Variants in DCUN1D4 observed in about 807,000 individuals in gnomAD.
DCUN1D4 encodes defective in cullin neddylation 1 domain containing 4.
DCUN1D4 carries 22 observed loss-of-function variants against 47.9 expected under a neutral mutation model. The observed-to-expected ratio is 0.46, with a 90% CI of 0.33 to 0.66. The LOEUF is 0.66. DCUN1D4 is among the 30% of genes least tolerant of loss of function. DCUN1D4 has a pLI of 0.02. For synonymous variants in DCUN1D4, 121 were observed against 112.2 expected (o/e 1.08, Z -0.50); for missense variants, 301 against 340.8 (o/e 0.88, Z 0.92).
Position 51,890,254 on chromosome 4 carries a change from T to G in DCUN1D4, c.415-1506T>G, listed in dbSNP as rs71595666. ...GGCTCAGAAATCATTAAAAATGATTTCTTGCCTCATGTTTCATGTTTTTAT... is the reference window on the plus strand; with the variant it reads ...GGCTCAGAAATCATTAAAAATGATTGCTTGCCTCATGTTTCATGTTTTTAT... On this transcript the variant is annotated intron_variant, in intron 6 of 10. Transcript: ENST00000334635. Among the ~76,000 whole-genome samples, 1,098 of 152,288 alleles carry G rather than the reference T, an allele frequency of 7.2e-3. 6 individuals are homozygous for G. Among genetic ancestry groups the G allele is most frequent in the Non-Finnish European group, 0.011 (743 of 68,028 alleles).
intron 9 of DCUN1D4, among the ~76,000 whole-genome samples, chr4:51,913,083 C>A (rs1342901475): frequency 6.6e-6 from 1 of 152,004 alleles, no homozygotes; most frequent in Non-Finnish European, 1.5e-5. Context: ...TGTATTGAGA[C>A]CCTGTCATAT....
At chr4:51,842,920 G>C, upstream of DCUN1D4, 2 of 580,198 alleles carry the variant, frequency 3.4e-6, no homozygotes. Context: ...GACAGCAGCC[G>C]GGCCCAACCC....
intron 8 of DCUN1D4, among the ~76,000 whole-genome samples, chr4:51,899,673 T>C (rs1731805902): frequency 6.6e-6 from 1 of 152,190 alleles, no homozygotes; most frequent in African/African-American, 2.4e-5. Flanking sequence ...TTAGATAAGG[T>C]TGGAAAAGCT....
chr4:51,913,641 C>A lies in DCUN1D4; in HGVS notation c.*57C>A. ...TTACCACAGTTTTGTCACCCATTAG[C>A]CATAAATTGCTGTTTGTATCAAAGC... On this transcript the variant is annotated 3_prime_UTR_variant, in exon 11 of 11. Transcript: ENST00000334635. 1 of 1,493,460 alleles carries A rather than the reference C, an allele frequency of 6.7e-7. No homozygotes were observed. The highest frequency in any genetic ancestry group is 9.3e-7 in the Non-Finnish European group (1 of 1,075,040). 92.5% of individuals were successfully genotyped at this position (1,493,460 alleles called of 1,614,324 possible).
chr4:51,846,640 G>A (rs1188177209), intron 1 of DCUN1D4, among the ~76,000 whole-genome samples: 1 of 152,152 alleles, frequency 6.6e-6, no homozygotes, highest in Admixed American at 6.5e-5. Flanking sequence ...CAACCTGTGA[G>A]AAACTGACCT....
rs1734047376 is a variant in DCUN1D4, at chr4:51,913,841, A to AT, written c.*259dup. On this transcript the variant is annotated 3_prime_UTR_variant, in exon 11 of 11. Transcript: ENST00000334635. Reference sequence around the variant, plus strand: ...ACGTCCTCACTGTGATTATGTGTATATTGCTGTTTAAATTTTGTATATGTG... The same window carrying AT: ...ACGTCCTCACTGTGATTATGTGTATATTTGCTGTTTAAATTTTGTATATGTG... 2.6e-6 allele frequency: 1 copy of AT among 387,724 alleles called. No individual in the cohort carries two copies. The highest frequency in any genetic ancestry group is 3.8e-5 in the East Asian group (1 of 26,188). 24.0% of individuals were successfully genotyped at this position (387,724 alleles called of 1,614,324 possible).
chr4:51,913,838 T>C lies in DCUN1D4; in HGVS notation c.*254T>C. ...CCAACGTCCTCACTGTGATTATGTGTATATTGCTGTTTAAATTTTGTATAT... is the reference window on the plus strand; with the variant it reads ...CCAACGTCCTCACTGTGATTATGTGCATATTGCTGTTTAAATTTTGTATAT... On this transcript the variant is annotated 3_prime_UTR_variant, in exon 11 of 11. Coordinates refer to ENST00000334635, the MANE Select transcript of DCUN1D4 (RefSeq NM_001040402.3). 1 of 388,386 alleles carries C rather than the reference T, an allele frequency of 2.6e-6. No individual in the cohort carries two copies. The highest frequency in any genetic ancestry group is 3.8e-5 in the East Asian group (1 of 26,452). The allele number at this position is 388,386 out of a possible 1,614,324, so 24.1% of individuals were successfully genotyped here.
upstream of DCUN1D4, among the ~76,000 whole-genome samples, chr4:51,839,943 T>C (rs945896200): frequency 3.9e-5 from 6 of 152,226 alleles, no homozygotes; most frequent in Non-Finnish European, 5.9e-5. Context: ...TATCACATTC[T>C]AATCTAGGCT....
At chr4:51,903,932 C>T (rs1027292443) in intron 8 of DCUN1D4, among the ~76,000 whole-genome samples, 1 of 151,880 alleles carries the variant, frequency 6.6e-6, no homozygotes, top group Non-Finnish European at 1.5e-5. Flanking sequence ...TTTTTATAAC[C>T]TTGTCTTCTG....
At chr4:51,877,954 GGTGTGT>G in intron 5 of DCUN1D4, 100 bp downstream of exon 5, 2 of 731,016 alleles carry the variant, frequency 2.7e-6, no homozygotes, top group Non-Finnish European at 4.2e-6. Context: ...TTCAAATTTG[GGTGTGT>G]GTGTGTGTGT....
chr4:51,891,880 C>G (rs757207180), intron 7 of DCUN1D4, 29 bp downstream of exon 7: 50 of 1,533,194 alleles, frequency 3.3e-5, no homozygotes, highest in African/African-American at 4.2e-5. Context: ...TAGTGGGGGT[C>G]CCTGCCCTTC....
chr4:51,912,721 A>G (rs1478458560), intron 9 of DCUN1D4, among the ~76,000 whole-genome samples: 1 of 152,180 alleles, frequency 6.6e-6, no homozygotes, highest in Non-Finnish European at 1.5e-5. Flanking sequence ...GAATTATTAG[A>G]ACAGTAATTT....
At chr4:51,902,268 A>G (rs80189733) in intron 8 of DCUN1D4, among the ~76,000 whole-genome samples, 256 of 152,308 alleles carry the variant, frequency 1.7e-3, no homozygotes, top group African/African-American at 6.1e-3. Flanking sequence ...AGTGTTCTAT[A>G]AATGTCAATT....
intron 3 of DCUN1D4, among the ~76,000 whole-genome samples, chr4:51,869,754 G>A (rs1315738310): frequency 2.0e-5 from 3 of 152,076 alleles, no homozygotes; most frequent in Admixed American, 2.0e-4. Flanking sequence ...CCTTTAAAAT[G>A]GACTTTCTGT....
At chr4:51,843,663 G>GGAGCGAGC in intron 1 of DCUN1D4, 3 of 1,249,996 alleles carry the variant, frequency 2.4e-6, no homozygotes, top group Non-Finnish European at 3.0e-6. Context: ...GGAGAGGGAG[G>GGAGCGAGC]GAGCGAGCGA....
upstream of DCUN1D4, among the ~76,000 whole-genome samples, chr4:51,840,715 C>T (rs936737936): frequency 6.6e-6 from 1 of 152,150 alleles, no homozygotes; most frequent in African/African-American, 2.4e-5. Flanking sequence ...ATAACTATAA[C>T]AAGTTTCCTG....
At position 51,848,300 on chromosome 4, in the gene DCUN1D4, T is replaced by C. The variant is rs569899018; in HGVS notation, c.25+5033T>C. The C allele has an allele frequency of 6.2e-6, 8 of 1,288,924 alleles. No individual in the cohort carries two copies. In the African/African-American group the frequency reaches 1.1e-4, roughly 17 times the overall value. 79.8% of individuals were successfully genotyped at this position (1,288,924 alleles called of 1,614,324 possible). A position where few individuals can be genotyped will look rare whatever the true frequency, so the allele number is the denominator to read the frequency against. ...GGAACAGAAGGAGTGTTTGTGAATG[T>C]GCACACGTCCGTTTCTGGTCTCTCG... On this transcript the variant is annotated intron_variant, in intron 1 of 10. Coordinates refer to ENST00000334635, the MANE Select transcript of DCUN1D4 (RefSeq NM_001040402.3).
intron 8 of DCUN1D4, among the ~76,000 whole-genome samples, chr4:51,900,911 A>G (rs1044901300): frequency 2.6e-5 from 4 of 151,992 alleles, no homozygotes; most frequent in Admixed American, 6.6e-5. Flanking sequence ...CAGATATCCA[A>G]TGTGCTTTAG....
chr4:51,881,678 CAA>C (rs1211105623), intron 5 of DCUN1D4, among the ~76,000 whole-genome samples: 14 of 134,306 alleles, frequency 1.0e-4, no homozygotes, highest in African/African-American at 2.7e-4. Flanking sequence ...AAAAAAAAAA[CAA>C]GAAAAAAAAA....
Sources: gnomAD v4.1 joint callset for allele counts (sites outside exome capture counted in the v4.1 genomes callset) on GRCh38, gnomAD v4.1.1 for gene constraint, MANE v1.5 for transcripts, NCBI Gene and HGNC (gene_info 2026-07-23, HGNC 2026-07-21) for gene names.